Variants in GPC3 observed in about 807,000 individuals in gnomAD.
GPC3 encodes the protein glypican 3.
Under a neutral mutation model 34.4 loss-of-function variants are expected in GPC3, and 3 were observed. The observed-to-expected ratio is 0.09, with a 90% CI of 0.04 to 0.23. GPC3 has a LOEUF of 0.23. Among genes scored for constraint, GPC3 ranks in the 10% least tolerant of loss-of-function variants. The pLI is 1.00. For missense variants in GPC3, 351 were observed against 445.6 expected (o/e 0.79, Z 1.91); for synonymous variants, 177 against 174.0 (o/e 1.02, Z -0.13).
At chrX:133,868,969 AAC>A (rs1213827804) in intron 2 of GPC3, among the ~76,000 whole-genome samples, 2 of 112,276 alleles carry the variant, frequency 1.8e-5, no homozygotes, top group African/African-American at 6.5e-5. Flanking sequence ...AAGGTTTAAT[AAC>A]ACACAGAGAG....
At chrX:133,569,768 G>A (rs980145661) in intron 7 of GPC3, among the ~76,000 whole-genome samples, 1 of 112,250 alleles carries the variant, frequency 8.9e-6, no homozygotes. Context: ...AATACAAACC[G>A]TAAGCTCTTA....
intron 1 of GPC3, among the ~76,000 whole-genome samples, chrX:133,981,763 C>T (rs1257036405): frequency 1.8e-5 from 2 of 112,138 alleles, no homozygotes; most frequent in Non-Finnish European, 3.8e-5. Context: ...AAATACCAAA[C>T]TATCTCTTTG....
At chrX:133,749,154 G>A (rs576075814) in intron 3 of GPC3, among the ~76,000 whole-genome samples, 5 of 111,825 alleles carry the variant, frequency 4.5e-5, no homozygotes, top group Middle Eastern at 4.6e-3. Context: ...CTAGCTACTC[G>A]GGAGGCCGAG....
At chrX:133,621,591 A>G (rs1411797024) in intron 6 of GPC3, among the ~76,000 whole-genome samples, 2 of 111,924 alleles carry the variant, frequency 1.8e-5, no homozygotes, top group African/African-American at 6.5e-5. Flanking sequence ...CAAGGTGGCA[A>G]TGAGGCTGGG....
At position 133,776,878 on chromosome X, in the gene GPC3, C is replaced by CTTTTTTT. The variant is rs10633635; in HGVS notation, c.338-22709_338-22703dup. Among the ~76,000 whole-genome samples the CTTTTTTT allele has an allele frequency of 9.9e-3, 780 of 79,145 alleles. 3 individuals carry two copies. Among genetic ancestry groups the CTTTTTTT allele is most frequent in the Middle Eastern group, 0.02 (2 of 98 alleles). 68.7% of individuals were successfully genotyped at this position (79,145 alleles called of 115,157 possible). On this transcript the variant is annotated intron_variant, in intron 2 of 7. Transcript: ENST00000370818. ...AGGAAGTAGTCACGTCCTTTCTTTT[C>CTTTTTTT]TTTTTTTTTTTTTTTTTTTGAGATG...
intron 3 of GPC3, among the ~76,000 whole-genome samples, chrX:133,703,342 A>G (rs1209637905): frequency 1.8e-5 from 2 of 111,664 alleles, no homozygotes; most frequent in Non-Finnish European, 3.8e-5. Context: ...CATGATTCCT[A>G]AAGGTGTTTT....
chrX:133,867,955 C>T (rs907942414), intron 2 of GPC3, among the ~76,000 whole-genome samples: 1 of 109,145 alleles, frequency 9.2e-6, no homozygotes, highest in Non-Finnish European at 1.9e-5. Context: ...CCACTCCATC[C>T]CCTTTCCAGC....
intron 2 of GPC3, among the ~76,000 whole-genome samples, chrX:133,783,970 C>T (rs933243408): frequency 2.7e-5 from 3 of 111,476 alleles, no homozygotes; most frequent in African/African-American, 6.5e-5. Context: ...GAAACTGGAC[C>T]GCCTCTCTAA....
At chrX:133,814,621 G>A (rs1023012912) in intron 2 of GPC3, among the ~76,000 whole-genome samples, 1 of 110,848 alleles carries the variant, frequency 9.0e-6, no homozygotes, top group African/African-American at 3.3e-5. Context: ...AGGCTGGAGT[G>A]CAATGGCGTG....
chrX:133,643,831 G>GTTTTTTTTTTTTTTTTT (rs778326133), intron 6 of GPC3, among the ~76,000 whole-genome samples: 1 of 96,996 alleles, frequency 1.0e-5, no homozygotes, highest in African/African-American at 4.0e-5. Context: ...TTGTTTTTAT[G>GTTTTTTTTTTTTTTTTT]TTTTTTTTTT....
intron 5 of GPC3, 127 bp downstream of exon 5, chrX:133,692,242 G>T: frequency 1.3e-6 from 1 of 752,864 alleles, no homozygotes; most frequent in Non-Finnish European, 2.0e-6. Flanking sequence ...ACCGCATCCA[G>T]CCTCATAGAT....
chrX:133,607,134 G>C (rs1038930679), intron 6 of GPC3, among the ~76,000 whole-genome samples: 32 of 110,857 alleles, frequency 2.9e-4, no homozygotes, highest in African/African-American at 1.1e-3. Flanking sequence ...AGCAGGGCAG[G>C]TATTATTAGC....
At chrX:133,808,165 C>A (rs139247518) in intron 2 of GPC3, among the ~76,000 whole-genome samples, 2,119 of 112,355 alleles carry the variant, frequency 0.019, 26 homozygotes, top group Non-Finnish European at 0.025. Flanking sequence ...CATGACAGGA[C>A]CCTGAGAATA....
At chrX:133,984,775 T>A (rs1181788246) in intron 1 of GPC3, among the ~76,000 whole-genome samples, 1 of 108,155 alleles carries the variant, frequency 9.2e-6, no homozygotes, top group Non-Finnish European at 1.9e-5. Flanking sequence ...TCAACTTTGC[T>A]TGCACTTGGG....
intron 7 of GPC3, among the ~76,000 whole-genome samples, chrX:133,584,912 A>G (rs2069771018): frequency 1.0e-5 from 1 of 95,320 alleles, no homozygotes; most frequent in Non-Finnish European, 2.1e-5. Context: ...AGACATTCAC[A>G]TTAGGATTAT....
chrX:133,982,594 C>T (rs371733264), intron 1 of GPC3, among the ~76,000 whole-genome samples: 1 of 111,935 alleles, frequency 8.9e-6, no homozygotes, highest in Non-Finnish European at 1.9e-5. Flanking sequence ...AGAAATGTAC[C>T]TTATTCAGGC....
At chrX:133,575,672 A>G (rs995101223) in intron 7 of GPC3, among the ~76,000 whole-genome samples, 1 of 111,902 alleles carries the variant, frequency 8.9e-6, no homozygotes, top group African/African-American at 3.3e-5. Flanking sequence ...TGTCCAAACC[A>G]ACTGCTGCCC....
intron 6 of GPC3, among the ~76,000 whole-genome samples, chrX:133,643,429 C>T (rs1472084050): frequency 1.8e-5 from 2 of 111,743 alleles, no homozygotes; most frequent in Non-Finnish European, 1.9e-5. Flanking sequence ...AGTCTTACAT[C>T]TGTCTTTATC....
At chrX:133,721,592 GAAAA>G (rs2071368115) in intron 3 of GPC3, among the ~76,000 whole-genome samples, 1 of 111,175 alleles carries the variant, frequency 9.0e-6, no homozygotes, top group East Asian at 2.8e-4. Context: ...CCCAAAAATA[GAAAA>G]GGTAGAACAC....
Sources: allele counts gnomAD v4.1 joint callset (sites outside exome capture counted in the v4.1 genomes callset), GRCh38; gene constraint gnomAD v4.1.1; transcripts MANE v1.5; gene names NCBI Gene and HGNC (gene_info 2026-07-23, HGNC 2026-07-21).